The following UAP1 variants were observed in gnomAD, a reference collection of about 807,000 sequenced individuals.
UAP1 encodes the protein UDP-N-acetylglucosamine pyrophosphorylase 1.
In UAP1, 25 loss-of-function variants were observed where a neutral mutation model predicts 58.5. The ratio of observed to expected loss-of-function variants is 0.43; its 90% CI spans 0.31 to 0.60. The LOEUF (loss-of-function observed/expected upper bound fraction) is 0.60, where lower values mean the gene tolerates loss of function less well. Ranked by LOEUF, UAP1 falls within the 20% of genes least tolerant of loss-of-function variation. The pLI is 0.11. For synonymous variants in UAP1, 208 were observed against 213.0 expected (o/e 0.98, Z 0.21); for missense variants, 575 against 630.0 (o/e 0.91, Z 0.93).
chr1:162,567,762 T>A (rs1653604490), intron 2 of UAP1, among the ~76,000 whole-genome samples: 1 of 152,200 alleles, frequency 6.6e-6, no homozygotes, highest in Non-Finnish European at 1.5e-5. Flanking sequence ...TTGCTCACAT[T>A]ACCACCCAGT....
At chr1:162,589,157 TA>T (rs1655113889) in intron 7 of UAP1, among the ~76,000 whole-genome samples, 2 of 66,990 alleles carry the variant, frequency 3.0e-5, no homozygotes, top group African/African-American at 1.1e-4. Context: ...TAATATATAT[TA>T]TATATAATAT....
chr1:162,578,448 C>T (rs1654349844), intron 3 of UAP1, among the ~76,000 whole-genome samples: 1 of 152,204 alleles, frequency 6.6e-6, no homozygotes, highest in Non-Finnish European at 1.5e-5. Flanking sequence ...TAGCTCTTCT[C>T]ACCACGAGTA....
At chr1:162,564,644 T>G (rs1248158190) in intron 1 of UAP1, among the ~76,000 whole-genome samples, 1 of 152,226 alleles carries the variant, frequency 6.6e-6, no homozygotes, top group Non-Finnish European at 1.5e-5. Context: ...TTGTATCCAT[T>G]GCTCCTTTCT....
At chr1:162,590,175 T>G in intron 7 of UAP1, 148 bp from the exon 8 acceptor site, 1 of 548,216 alleles carries the variant, frequency 1.8e-6, no homozygotes, top group Non-Finnish European at 3.0e-6. Context: ...TCAGCTTTCT[T>G]TAGTCCAAGG....
At chr1:162,578,240 C>G (rs544972456) in intron 3 of UAP1, among the ~76,000 whole-genome samples, 2 of 152,114 alleles carry the variant, frequency 1.3e-5, no homozygotes, top group Admixed American at 6.6e-5. Context: ...TAGTTTCTGT[C>G]CCCGAGCAGC....
Position 162,576,891 on chromosome 1 carries a change from G to A in UAP1, c.395G>A (p.Arg132His), listed in dbSNP as rs768089603. The A allele has an allele frequency of 1.1e-5, 17 of 1,613,990 alleles. No homozygotes were observed. Among genetic ancestry groups the A allele is most frequent in the Middle Eastern group, 1.6e-4 (1 of 6,084 alleles). The change falls in exon 3 of 11, where the codon CGT (arginine) becomes CAT (histidine). Residue 132 changes from arginine to histidine, a missense_variant. Transcript: ENST00000271469. ...ATGTATGATGTTGGTTTGCCATCCC[G>A]TAAGACACTTTTTCAGATTCAAGCA... is the stretch of plus-strand genomic sequence containing the variant.
chr1:162,592,703 C>T, intron 8 of UAP1, 29 bp from the exon 9 acceptor site: 2 of 1,512,452 alleles, frequency 1.3e-6, no homozygotes. Flanking sequence ...TGCTTCCATT[C>T]CCATTAATCC....
intron 8 of UAP1, among the ~76,000 whole-genome samples, chr1:162,592,319 G>C (rs563206696): frequency 3.9e-5 from 6 of 152,292 alleles, no homozygotes; most frequent in Admixed American, 1.3e-4. Context: ...AACCCGGGAG[G>C]GAGAAGTTTC....
intron 4 of UAP1, among the ~76,000 whole-genome samples, chr1:162,580,683 T>C (rs1029747045): frequency 6.6e-6 from 1 of 152,234 alleles, no homozygotes; most frequent in Non-Finnish European, 1.5e-5. Flanking sequence ...CTTAGCTGTA[T>C]TTTGTGAAGT....
At chr1:162,588,933 A>G (rs1045247050) in intron 7 of UAP1, 100 bp downstream of exon 7, 2 of 1,127,984 alleles carry the variant, frequency 1.8e-6, no homozygotes, top group Middle Eastern at 2.3e-4. Context: ...ATTTGATAGC[A>G]CATATCTCAC....
At chr1:162,580,328 T>G (rs77790872) in intron 4 of UAP1, among the ~76,000 whole-genome samples, 1,921 of 152,322 alleles carry the variant, frequency 0.013, 29 homozygotes, top group East Asian at 0.049. Flanking sequence ...GGCATTAAAT[T>G]CTAAACATTA....
At chr1:162,586,417 C>T (rs1300906387) in intron 5 of UAP1, among the ~76,000 whole-genome samples, 1 of 152,132 alleles carries the variant, frequency 6.6e-6, no homozygotes, top group East Asian at 1.9e-4. Context: ...GCCTCAACCT[C>T]CCCAGACTCA....
chr1:162,575,500 T>C (rs1253900167), intron 2 of UAP1, among the ~76,000 whole-genome samples: 9 of 144,924 alleles, frequency 6.2e-5, no homozygotes, highest in South Asian at 4.4e-4. Flanking sequence ...GGTGCAGTCT[T>C]AGCTCACTGC....
chr1:162,567,851 C>T (rs909465357), intron 2 of UAP1, among the ~76,000 whole-genome samples: 1 of 152,086 alleles, frequency 6.6e-6, no homozygotes, highest in African/African-American at 2.4e-5. Flanking sequence ...GGCTGGAGTG[C>T]AGTGGTGTGA....
chr1:162,567,546 C>T (rs1337257983), intron 2 of UAP1, among the ~76,000 whole-genome samples: 6 of 152,138 alleles, frequency 3.9e-5, no homozygotes. Flanking sequence ...ATCTATTACT[C>T]CTCTGTAAGT....
intron 1 of UAP1, among the ~76,000 whole-genome samples, 198 bp from the exon 2 acceptor site, chr1:162,565,814 A>G (rs1432312038): frequency 6.6e-6 from 1 of 152,254 alleles, no homozygotes; most frequent in Non-Finnish European, 1.5e-5. Flanking sequence ...AAACAAGACC[A>G]TGAAGGTAAA....
intron 9 of UAP1, among the ~76,000 whole-genome samples, chr1:162,596,155 A>G (rs1655606828): frequency 6.6e-6 from 1 of 151,534 alleles, no homozygotes; most frequent in African/African-American, 2.4e-5. Context: ...ACCCGGCCAC[A>G]TTAATTAAAT....
rs968924932 is a variant in UAP1, at chr1:162,592,066, C to A, written c.1359-666C>A. 5.9e-5 allele frequency among the ~76,000 whole-genome samples: 9 copies of A among 152,248 alleles called. No individual in the cohort carries two copies. In the East Asian group the frequency reaches 1.3e-3, roughly 23 times the overall value. On this transcript the variant is annotated intron_variant, in intron 8 of 10. Coordinates refer to ENST00000271469, the Ensembl canonical transcript of UAP1. Reference sequence around the variant, plus strand: ...TCTGGCATTTAATTTATATTCCTAACGGATAAGATGGCTGGCTGCAAGAAT... The same window carrying A: ...TCTGGCATTTAATTTATATTCCTAAAGGATAAGATGGCTGGCTGCAAGAAT...
chr1:162,576,879 GT>G lies in UAP1; in HGVS notation c.386del (p.Leu129CysfsTer16). 1 of 1,614,128 alleles carries G rather than the reference GT, an allele frequency of 6.2e-7. No individual in the cohort carries two copies. The highest frequency in any genetic ancestry group is 8.5e-7 in the Non-Finnish European group (1 of 1,180,032). Reference sequence around the variant, plus strand: ...TATCCTAAGGGGATGTATGATGTTGGTTTGCCATCCCGTAAGACACTTTTTC... The same window carrying G: ...TATCCTAAGGGGATGTATGATGTTGGTTGCCATCCCGTAAGACACTTTTTC... On this transcript the variant is annotated frameshift_variant, in exon 3 of 11. Coordinates refer to ENST00000271469, the Ensembl canonical transcript of UAP1. LOFTEE classifies it high-confidence loss of function.
Sources: gnomAD v4.1 joint callset for allele counts (sites outside exome capture counted in the v4.1 genomes callset) on GRCh38, gnomAD v4.1.1 for gene constraint, MANE v1.5 for transcripts, NCBI Gene and HGNC (gene_info 2026-07-23, HGNC 2026-07-21) for gene names.